Variants in DOK6 observed in about 807,000 individuals in gnomAD.
The protein encoded by DOK6 is downstream of tyrosine kinase 6.
DOK6 carries 22 observed loss-of-function variants against 44.0 expected under a neutral mutation model. That is an observed-to-expected ratio of 0.50 (90% confidence interval 0.36 to 0.71). DOK6 has a LOEUF of 0.71. DOK6 is among the 30% of genes least tolerant of loss of function. The pLI is 0.00. For synonymous variants in DOK6, 166 were observed against 145.5 expected, an observed-to-expected ratio of 1.14 and a Z score of -1.01; for missense variants, 340 against 416.4, an observed-to-expected ratio of 0.82 and a Z score of 1.60.
At chr18:69,565,405 T>C (rs1157384439) in intron 2 of DOK6, among the ~76,000 whole-genome samples, 2 of 152,108 alleles carry the variant, frequency 1.3e-5, no homozygotes, top group African/African-American at 4.8e-5. Context: ...TATTATTAGT[T>C]ATGAATATTA....
intron 1 of DOK6, among the ~76,000 whole-genome samples, chr18:69,414,301 C>T (rs1158954248): frequency 6.6e-6 from 1 of 152,038 alleles, no homozygotes; most frequent in Non-Finnish European, 1.5e-5. Flanking sequence ...ATGGCTGCTT[C>T]ATTTGAAATA....
At chr18:69,662,628 A>G (rs1985558698) in intron 3 of DOK6, 1 of 152,224 alleles carries the variant, frequency 6.6e-6, no homozygotes, top group Non-Finnish European at 1.5e-5. Context: ...ACATTGATCT[A>G]TTTTAATGAA....
At chr18:69,616,269 A>C (rs1984281845) in intron 3 of DOK6, among the ~76,000 whole-genome samples, 1 of 152,166 alleles carries the variant, frequency 6.6e-6, no homozygotes, top group African/African-American at 2.4e-5. Context: ...GCTACCACTC[A>C]TGACTGTCTG....
intron 1 of DOK6, among the ~76,000 whole-genome samples, chr18:69,425,164 G>C (rs1277650491): frequency 6.6e-6 from 1 of 152,136 alleles, no homozygotes; most frequent in African/African-American, 2.4e-5. Context: ...GAAGAATTTT[G>C]CTGTTGTAGT....
At chr18:69,666,555 T>C (rs993211368) in intron 3 of DOK6, among the ~76,000 whole-genome samples, 1 of 152,150 alleles carries the variant, frequency 6.6e-6, no homozygotes, top group African/African-American at 2.4e-5. Flanking sequence ...GTCTGCAGAA[T>C]GGCTCTGTTA....
intron 5 of DOK6, among the ~76,000 whole-genome samples, chr18:69,729,426 A>G (rs1368491057): frequency 1.3e-5 from 2 of 152,130 alleles, no homozygotes; most frequent in Non-Finnish European, 2.9e-5. Flanking sequence ...TCCTACCAAC[A>G]TGTTTGTCTT....
intron 7 of DOK6, among the ~76,000 whole-genome samples, chr18:69,759,695 TGAAG>T (rs375990624): frequency 4.3e-4 from 65 of 152,308 alleles, no homozygotes; most frequent in African/African-American, 1.3e-3. Context: ...AGAGACTTCT[TGAAG>T]GAAGATGTTG....
chr18:69,777,123 C>T (rs961699021), intron 7 of DOK6, among the ~76,000 whole-genome samples: 5 of 129,512 alleles, frequency 3.9e-5, no homozygotes, highest in African/African-American at 5.3e-5. Context: ...GCACATGTAC[C>T]CTAAAACTTA....
chr18:69,599,338 C>A, intron 2 of DOK6, 46 bp from the exon 3 acceptor site: 1 of 1,342,302 alleles, frequency 7.4e-7, no homozygotes, highest in South Asian at 1.3e-5. Context: ...CTCCAACATA[C>A]AGCATACATA....
intron 1 of DOK6, among the ~76,000 whole-genome samples, chr18:69,514,840 T>TATA (rs369277915): frequency 2.5e-5 from 3 of 119,790 alleles, no homozygotes; most frequent in Non-Finnish European, 3.6e-5. Context: ...TCCATATATA[T>TATA]TTTTTTTTTT....
At chr18:69,607,696 A>T (rs12970612) in intron 3 of DOK6, among the ~76,000 whole-genome samples, 84,407 of 151,950 alleles carry the variant, frequency 0.56, 24,149 homozygotes, top group South Asian at 0.74. Context: ...AAGTCTAAAA[A>T]ATTTTCAAAG....
chr18:69,582,862 T>A (rs1983402432), intron 2 of DOK6, among the ~76,000 whole-genome samples: 1 of 151,962 alleles, frequency 6.6e-6, no homozygotes, highest in African/African-American at 2.4e-5. Flanking sequence ...GCTTTTAAGA[T>A]CCATTCGCAT....
chr18:69,414,111 G>A (rs951755866), intron 1 of DOK6, among the ~76,000 whole-genome samples: 1 of 152,034 alleles, frequency 6.6e-6, no homozygotes, highest in Admixed American at 6.6e-5. Context: ...ATCCAGAGAA[G>A]CTGGATAGCT....
chr18:69,638,142 T>G (rs1473590220), intron 3 of DOK6, among the ~76,000 whole-genome samples: 2 of 152,242 alleles, frequency 1.3e-5, no homozygotes, highest in Admixed American at 1.3e-4. Context: ...AGCATGTGTG[T>G]CATAAAGTCT....
chr18:69,485,188 A>T (rs1463298442), intron 1 of DOK6, among the ~76,000 whole-genome samples: 1 of 152,172 alleles, frequency 6.6e-6, no homozygotes, highest in African/African-American at 2.4e-5. Flanking sequence ...TCAACAGATG[A>T]TGCAACAGCA....
chr18:69,754,876 G>A (rs899063441), intron 6 of DOK6, among the ~76,000 whole-genome samples: 1 of 152,100 alleles, frequency 6.6e-6, no homozygotes, highest in Non-Finnish European at 1.5e-5. Context: ...ATGAATTTGT[G>A]GGGGAACACA....
At chr18:69,584,307 G>A (rs1429575799) in intron 2 of DOK6, among the ~76,000 whole-genome samples, 2 of 151,568 alleles carry the variant, frequency 1.3e-5, no homozygotes, top group Non-Finnish European at 2.9e-5. Context: ...TTTCGTATGA[G>A]ATAGAGTCTC....
At chr18:69,712,669 AC>A (rs372183039) in intron 5 of DOK6, among the ~76,000 whole-genome samples, 2 of 151,942 alleles carry the variant, frequency 1.3e-5, no homozygotes, top group African/African-American at 2.4e-5. Flanking sequence ...ACATGGCGAA[AC>A]CCCCCATCTC....
intron 1 of DOK6, among the ~76,000 whole-genome samples, chr18:69,541,372 G>A (rs1342087045): frequency 6.6e-6 from 1 of 151,506 alleles, no homozygotes; most frequent in Admixed American, 6.6e-5. Context: ...CAAGGAAGCA[G>A]CAGTGGGTGG....
Sources: allele counts gnomAD v4.1 joint callset (sites outside exome capture counted in the v4.1 genomes callset), GRCh38; gene constraint gnomAD v4.1.1; transcripts MANE v1.5; gene names NCBI Gene and HGNC (gene_info 2026-07-23, HGNC 2026-07-21).